Variants in KLKB1 observed in about 807,000 individuals in gnomAD.
KLKB1 encodes the protein kallikrein B1, also known as plasma kallikrein.
A neutral mutation model predicts 73.6 loss-of-function variants in KLKB1; 58 were observed. That is an observed-to-expected ratio of 0.79 (90% CI 0.64 to 0.98). The LOEUF is 0.98. Ranked by LOEUF, KLKB1 falls within the 50% of genes least tolerant of loss-of-function variation. The pLI, the probability that KLKB1 is intolerant of heterozygous loss-of-function variation, is 0.00. For missense variants in KLKB1, 737 were observed against 763.8 expected (o/e 0.96, Z 0.41); for synonymous variants, 280 against 258.1 (o/e 1.08, Z -0.81).
chr4:186,245,975 G>A (rs1420922899), intron 6 of KLKB1, among the ~76,000 whole-genome samples: 1 of 151,750 alleles, frequency 6.6e-6, no homozygotes, highest in Non-Finnish European at 1.5e-5. Flanking sequence ...CATATTTGAT[G>A]AAAAAGAGCC....
At chr4:186,237,512 A>G (rs1287313313) in intron 5 of KLKB1, among the ~76,000 whole-genome samples, 1 of 152,086 alleles carries the variant, frequency 6.6e-6, no homozygotes, top group Non-Finnish European at 1.5e-5. Flanking sequence ...TACTTCTCCA[A>G]AGCTGATTCT....
chr4:186,235,957 T>C (rs1265070894), intron 4 of KLKB1, among the ~76,000 whole-genome samples: 2 of 151,138 alleles, frequency 1.3e-5, no homozygotes. Flanking sequence ...CTACTAAAAA[T>C]ACAAAAATTA....
upstream of KLKB1, among the ~76,000 whole-genome samples, chr4:186,225,429 T>C (rs866329051): frequency 5.2e-4 from 75 of 143,360 alleles, no homozygotes; most frequent in African/African-American, 1.2e-3. Flanking sequence ...ATTTCTTTTT[T>C]TTTTTTTTTT....
At chr4:186,252,615 C>T (rs1313048977) in intron 11 of KLKB1, among the ~76,000 whole-genome samples, 5 of 138,462 alleles carry the variant, frequency 3.6e-5, no homozygotes, top group African/African-American at 1.3e-4. Context: ...CCACCAATCC[C>T]GCCACCCACG....
chr4:186,217,699 T>G (rs1736936460), intron 2 of KLKB1, among the ~76,000 whole-genome samples: 1 of 152,228 alleles, frequency 6.6e-6, no homozygotes, highest in Non-Finnish European at 1.5e-5. Flanking sequence ...TTTGTGTGGG[T>G]CTAGTACGTA....
At chr4:186,252,343 C>T (rs116253891) in intron 11 of KLKB1, among the ~76,000 whole-genome samples, 158 bp downstream of exon 11, 305 of 152,290 alleles carry the variant, frequency 2.0e-3, no homozygotes, top group Middle Eastern at 0.01. Context: ...CAAGCACTGA[C>T]CAACCTGACC....
intron 5 of KLKB1, among the ~76,000 whole-genome samples, 157 bp downstream of exon 5, chr4:186,237,097 T>C (rs1430249951): frequency 6.6e-6 from 1 of 152,038 alleles, no homozygotes. Context: ...TTTTATCTTT[T>C]ATTTATTTAT....
intron 2 of KLKB1, among the ~76,000 whole-genome samples, chr4:186,229,939 T>G (rs940247384): frequency 6.6e-6 from 1 of 152,144 alleles, no homozygotes; most frequent in African/African-American, 2.4e-5. Context: ...AAGACTCTTA[T>G]GTTTTTTTTT....
At chr4:186,257,098 A>T in intron 13 of KLKB1, 128 bp from the exon 14 acceptor site, 1 of 533,000 alleles carries the variant, frequency 1.9e-6, no homozygotes, top group Non-Finnish European at 3.1e-6. Context: ...CACTGCTCTG[A>T]TTCACTTTAA....
intron 6 of KLKB1, 23 bp downstream of exon 6, chr4:186,238,388 T>C: frequency 6.6e-7 from 1 of 1,505,882 alleles, no homozygotes; most frequent in Non-Finnish European, 9.2e-7. Flanking sequence ...CTACTTCACT[T>C]TGTGATTGTG....
Position 186,258,269 on chromosome 4 carries a change from C to A in KLKB1, c.*57C>A, listed in dbSNP as rs1739128146. The A allele has an allele frequency of 2.1e-6, 3 of 1,420,020 alleles. No individual in the cohort carries two copies. Among genetic ancestry groups the A allele is most frequent in the African/African-American group, 1.4e-5 (1 of 70,880 alleles). The allele number at this position is 1,420,020 out of a possible 1,614,324, so 88.0% of individuals were successfully genotyped here. A position where few individuals can be genotyped will look rare whatever the true frequency, so the allele number is the denominator to read the frequency against. On this transcript the variant is annotated 3_prime_UTR_variant, in exon 15 of 15. Coordinates refer to ENST00000264690, the MANE Select transcript of KLKB1 (RefSeq NM_000892.5). Reference sequence around the variant, plus strand: ...ACCTGAGTTCAAGTCAAATTCTGAGCCTGGGGGGTCCTCATCTGCAAAGCA... The same window carrying A: ...ACCTGAGTTCAAGTCAAATTCTGAGACTGGGGGGTCCTCATCTGCAAAGCA...
chr4:186,219,955 C>T (rs1736997294), intron 2 of KLKB1, among the ~76,000 whole-genome samples: 1 of 152,100 alleles, frequency 6.6e-6, no homozygotes, highest in African/African-American at 2.4e-5. Flanking sequence ...CCACAGCCAA[C>T]ACTGCAACTC....
chr4:186,250,466 C>T (rs762695728), intron 7 of KLKB1, 64 bp downstream of exon 7: 3 of 1,544,984 alleles, frequency 1.9e-6, no homozygotes, highest in African/African-American at 1.4e-5. Flanking sequence ...TGCTGCTGTA[C>T]TTTCATCACT....
chr4:186,241,765 G>T (rs1738065851), intron 6 of KLKB1, among the ~76,000 whole-genome samples: 1 of 152,134 alleles, frequency 6.6e-6, no homozygotes, highest in Admixed American at 6.5e-5. Context: ...TTGCAATTAG[G>T]GGAAGCAACA....
upstream of KLKB1, among the ~76,000 whole-genome samples, chr4:186,222,203 T>A (rs1052034223): frequency 1.3e-5 from 2 of 152,232 alleles, no homozygotes; most frequent in Non-Finnish European, 2.9e-5. Context: ...ATCTTGTTTT[T>A]TATTCACTCA....
intron 2 of KLKB1, chr4:186,212,176 A>G (rs1230906688): frequency 2.0e-5 from 3 of 152,190 alleles, no homozygotes; most frequent in African/African-American, 4.8e-5. Context: ...ACATGCTGAT[A>G]TACTTTCTAC....
chr4:186,257,215 G>T lies in KLKB1; in HGVS notation c.1586-11G>T. ...AACTTCCCTCTGAGGTTATATATTG[G>T]TTACTCACAGGTGAAATCCAAAATA... On this transcript the variant is annotated splice_polypyrimidine_tract_variant and intron_variant, in intron 13 of 14. Transcript: ENST00000264690. The T allele has an allele frequency of 1.3e-6, 2 of 1,516,236 alleles. No individual in the cohort carries two copies. The highest frequency in any genetic ancestry group is 1.8e-6 in the Non-Finnish European group (2 of 1,104,154). 93.9% of individuals were successfully genotyped at this position (1,516,236 alleles called of 1,614,324 possible). A position where few individuals can be genotyped will look rare whatever the true frequency, so the allele number is the denominator to read the frequency against.
intron 6 of KLKB1, among the ~76,000 whole-genome samples, chr4:186,242,420 C>T (rs1485376845): frequency 6.6e-6 from 1 of 151,968 alleles, no homozygotes; most frequent in East Asian, 1.9e-4. Context: ...AGATAATGGG[C>T]GATGTTTCTC....
At chr4:186,249,506 T>C (rs1441615294) in intron 6 of KLKB1, among the ~76,000 whole-genome samples, 2 of 152,316 alleles carry the variant, frequency 1.3e-5, no homozygotes, top group East Asian at 3.9e-4. Context: ...CACACAGTCT[T>C]GATTACCATA....
Sources: allele counts gnomAD v4.1 joint callset (sites outside exome capture counted in the v4.1 genomes callset), GRCh38; gene constraint gnomAD v4.1.1; transcripts MANE v1.5; gene names NCBI Gene and HGNC (gene_info 2026-07-23, HGNC 2026-07-21).